STK3: variants seen among roughly 807,000 people sequenced by gnomAD.
The protein encoded by STK3 is serine/threonine kinase 3, also known as serine/threonine-protein kinase 3.
A neutral mutation model predicts 58.0 loss-of-function variants in STK3; 41 were observed. The ratio of observed to expected loss-of-function variants is 0.71; its 90% CI spans 0.55 to 0.92. The LOEUF (loss-of-function observed/expected upper bound fraction) is 0.92. Ranked by LOEUF, STK3 falls within the 40% of genes least tolerant of loss-of-function variation. The pLI is 0.00. For missense variants in STK3, 479 were observed against 602.7 expected (o/e 0.79, Z 2.15); for synonymous variants, 170 against 191.0 (o/e 0.89, Z 0.91).
chr8:98,832,860 G>C (rs1348736846), intron 3 of STK3, among the ~76,000 whole-genome samples: 1 of 152,134 alleles, frequency 6.6e-6, no homozygotes, highest in Admixed American at 6.5e-5. Flanking sequence ...ACATGACAAT[G>C]CCCAGCACCA....
rs746968421 is a variant in STK3, at chr8:98,706,447, G to A, written c.684+20C>T. ...CACTTATATAAGGCTAACATTTTCA[G>A]CAAACCATAATTTTCTTACCCTCAT... On this transcript the variant is annotated intron_variant, in intron 6 of 10. Transcript: ENST00000419617. 1.3e-6 allele frequency: 2 copies of A among 1,593,180 alleles called. No homozygotes were observed. The highest frequency in any genetic ancestry group is 3.6e-5 in the Admixed American group (2 of 55,908).
chr8:98,603,752 T>TGGGAAGGAAGGGAAGAA (rs1265263099), intron 6 of STK3, among the ~76,000 whole-genome samples: 1 of 149,964 alleles, frequency 6.7e-6, no homozygotes, highest in East Asian at 2.0e-4. Context: ...AAGCGGGGCC[T>TGGGAAGGAAGGGAAGAA]GGGAAGGAAG....
At chr8:98,676,430 T>C (rs1823215152) in intron 6 of STK3, among the ~76,000 whole-genome samples, 1 of 152,174 alleles carries the variant, frequency 6.6e-6, no homozygotes, top group Admixed American at 6.5e-5. Context: ...CCAATCAACA[T>C]GGTGAAACCC....
At chr8:98,507,723 A>G (rs908379019) in intron 10 of STK3, among the ~76,000 whole-genome samples, 22 of 152,232 alleles carry the variant, frequency 1.4e-4, no homozygotes, top group African/African-American at 5.1e-4. Flanking sequence ...CCCAAAATCA[A>G]TGTATCACTT....
At position 98,896,417 on chromosome 8, in the gene STK3, C is replaced by T. The variant is rs530568202; in HGVS notation, c.-78-12583G>A. On this transcript the variant is annotated intron_variant, in intron 1 of 1. Coordinates refer to the STK3 transcript ENST00000519420. ...TGCTGTGCTGTAGAAGTGAGGGACA[C>T]CCAGAATCTCATCCCCTCCCCAACC... is the stretch of plus-strand genomic sequence containing the variant. Among the ~76,000 whole-genome samples the T allele has an allele frequency of 1.4e-4, 22 of 152,270 alleles. 1 individual carries two copies. The highest frequency in any genetic ancestry group is 5.3e-4 in the African/African-American group (22 of 41,558).
intron 10 of STK3, among the ~76,000 whole-genome samples, chr8:98,497,880 C>G (rs1013574543): frequency 1.3e-5 from 2 of 152,136 alleles, no homozygotes; most frequent in African/African-American, 4.8e-5. Flanking sequence ...TGAAAAACAA[C>G]CTGACAGTTC....
At chr8:98,879,722 T>G (rs1837723380), downstream of STK3, 1 of 152,248 alleles carries the variant, frequency 6.6e-6, no homozygotes, top group Non-Finnish European at 1.5e-5. Context: ...TTCAAATTAA[T>G]GTATTAATTC....
At chr8:98,736,129 T>C (rs1016868381) in intron 4 of STK3, among the ~76,000 whole-genome samples, 5 of 152,100 alleles carry the variant, frequency 3.3e-5, no homozygotes, top group Non-Finnish European at 5.9e-5. Flanking sequence ...ACAGTAAAAA[T>C]AGCATTTATT....
chr8:98,696,425 G>A (rs972144421), intron 6 of STK3, among the ~76,000 whole-genome samples: 2 of 151,390 alleles, frequency 1.3e-5, no homozygotes, highest in Admixed American at 6.6e-5. Flanking sequence ...GGGCATCCCT[G>A]TCTTGTGCCA....
intron 10 of STK3, among the ~76,000 whole-genome samples, chr8:98,456,386 G>C (rs749305843): frequency 6.6e-6 from 1 of 152,218 alleles, no homozygotes; most frequent in Admixed American, 6.5e-5. Context: ...GCTACTGAGT[G>C]CTACAATAAT....
intron 1 of STK3, among the ~76,000 whole-genome samples, chr8:98,818,875 C>G (rs1045822509): frequency 6.6e-6 from 1 of 152,056 alleles, no homozygotes; most frequent in South Asian, 2.1e-4. Flanking sequence ...GGCTGGAGTT[C>G]GGTGGCGCAA....
chr8:98,569,915 G>C (rs1018161495), intron 8 of STK3, among the ~76,000 whole-genome samples: 1 of 146,262 alleles, frequency 6.8e-6, no homozygotes, highest in Non-Finnish European at 1.5e-5. Flanking sequence ...AAAAAAATAT[G>C]TGTGTGTGTG....
the STK3 span, among the ~76,000 whole-genome samples, chr8:98,355,936 G>A: frequency 4.6e-5 from 7 of 152,282 alleles, no homozygotes; most frequent in Admixed American, 6.5e-5. Flanking sequence ...TCCTTCTTCC[G>A]TGATCATTGG....
chr8:98,517,900 A>T (rs566576895), intron 10 of STK3, among the ~76,000 whole-genome samples: 1 of 152,118 alleles, frequency 6.6e-6, no homozygotes, highest in Non-Finnish European at 1.5e-5. Flanking sequence ...AACATCCAAA[A>T]TTGGGTTATG....
chr8:98,465,479 A>T (rs1433445825), intron 10 of STK3, among the ~76,000 whole-genome samples: 1 of 152,188 alleles, frequency 6.6e-6, no homozygotes, highest in Non-Finnish European at 1.5e-5. Context: ...TTTTACTTAT[A>T]AGCTATTCAT....
chr8:98,356,165 A>G, the STK3 span, among the ~76,000 whole-genome samples: 1 of 152,192 alleles, frequency 6.6e-6, no homozygotes, highest in Non-Finnish European at 1.5e-5. Flanking sequence ...CTAACTCACA[A>G]CCAAGCCTGT....
In STK3 at chr8:98,709,357, C is replaced by T. The variant is rs114697583; in HGVS notation, c.352-2046G>A. Among the ~76,000 whole-genome samples, 824 of 151,986 alleles carry T rather than the reference C, an allele frequency of 5.4e-3. 9 individuals carry two copies. Among genetic ancestry groups the T allele is most frequent in the African/African-American group, 0.019 (795 of 41,386 alleles). ...GTGAATGGCTATCTGGGAACATACA[C>T]TCCACAAAAAGGAAAAAAAAAGATT... On this transcript the variant is annotated intron_variant, in intron 4 of 10. Transcript: ENST00000419617.
At chr8:98,830,965 G>C (rs1424992730) in intron 3 of STK3, among the ~76,000 whole-genome samples, 9 of 97,178 alleles carry the variant, frequency 9.3e-5, no homozygotes, top group Non-Finnish European at 1.7e-4. Context: ...GCAAGACTCT[G>C]TCTCAAAAAA....
intron 3 of STK3, chr8:98,429,362 C>T (rs1183433519): frequency 6.2e-7 from 1 of 1,614,092 alleles, no homozygotes; most frequent in Non-Finnish European, 8.5e-7. Flanking sequence ...GCCTGACGAA[C>T]ATGAGCAGGA....
Sources: allele counts gnomAD v4.1 joint callset (sites outside exome capture counted in the v4.1 genomes callset), GRCh38; gene constraint gnomAD v4.1.1; transcripts MANE v1.5; gene names NCBI Gene and HGNC (gene_info 2026-07-23, HGNC 2026-07-21).